The following ATP13A1 variants were observed in gnomAD, a reference collection of about 807,000 sequenced individuals.
The protein encoded by ATP13A1 is ATPase 13A1.
Under a neutral mutation model 134.8 loss-of-function variants are expected in ATP13A1, and 55 were observed. The ratio of observed to expected loss-of-function variants is 0.41; its 90% confidence interval spans 0.33 to 0.51. The LOEUF is 0.51. ATP13A1 is among the 20% of genes least tolerant of loss of function. ATP13A1 has a pLI of 0.29. For synonymous variants in ATP13A1, 775 were observed against 725.1 expected (o/e 1.07, Z -1.10); for missense variants, 1,389 against 1,652.8 (o/e 0.84, Z 2.77).
At chr19:19,659,497 A>G (rs564852454) in intron 3 of ATP13A1, 104 bp downstream of exon 3, 42 of 609,510 alleles carry the variant, frequency 6.9e-5, no homozygotes, top group African/African-American at 5.0e-4. Context: ...TAGTAAATAA[A>G]TAAATAAAAG....
chr19:19,646,576 G>A (rs1302947689), intron 22 of ATP13A1: 1 of 582,230 alleles, frequency 1.7e-6, no homozygotes, highest in East Asian at 2.9e-5. Flanking sequence ...GGCTCCCCAT[G>A]GCAGCCACAG....
Position 19,655,937 on chromosome 19 carries a change from G to A in ATP13A1, c.1214-4C>T, listed in dbSNP as rs1599434392. ...GCCACGCACCCGCTGTCAACCGCTG[G>A]GGAGAGAAGCAGAGTCACCGTCATG... On this transcript the variant is annotated splice_region_variant and splice_polypyrimidine_tract_variant and intron_variant, in intron 8 of 25. Transcript: ENST00000357324. This position sits in a 1 kb window ranked among gnomAD's most constrained non-coding sequence, Gnocchi z 5.7. The A allele has an allele frequency of 7.5e-6, 12 of 1,603,594 alleles. No homozygotes were observed. Among genetic ancestry groups the A allele is most frequent in the Non-Finnish European group, 8.5e-6 (10 of 1,178,372 alleles).
Position 19,645,783 on chromosome 19 carries a change from G to A in ATP13A1, c.3368C>T (p.Pro1123Leu). The change falls in exon 25 of 26, where the codon CCC becomes CTC. Residue 1123 changes from proline (P) to leucine (L), a missense_variant. Physicochemically the swap from Pro to Leu is moderately conservative, Grantham distance 98. Around this residue, in one of 4 missense-constraint regions of ATP13A1, gnomAD observed 228 missense variants for 321.0 expected, o/e 0.71. Transcript: ENST00000357324. This position sits in a 1 kb window ranked among gnomAD's most constrained non-coding sequence, Gnocchi z 4.1. Reference protein sequence around the residue: ...ATFAINYKGPPFMESLPENKP... With the variant: ...ATFAINYKGPLFMESLPENKP... ...GTTCTCGGGCAGGCTCTCCATGAAG[G>A]GCGGGCCCTGTGGGGATGAGGGACA... The A allele has an allele frequency of 6.2e-7, 1 of 1,612,292 alleles. No homozygotes were observed. Among genetic ancestry groups the A allele is most frequent in the East Asian group, 2.2e-5 (1 of 44,832 alleles).
chr19:19,645,521 G>T lies in ATP13A1; in HGVS notation c.3516C>A (p.Val1172=). The change falls in exon 26 of 26, where the codon GTC becomes GTA. Residue 1172 remains valine (V), a synonymous_variant. Coordinates refer to ENST00000357324, the MANE Select transcript of ATP13A1 (RefSeq NM_020410.3). The surrounding 1 kb of genome is among the most constrained non-coding windows in gnomAD (Gnocchi z 4.1). Reference sequence around the variant, plus strand: ...AGTCCAGGAGCAGGACCTGGGCAATGACCAGCTTGAACTGTCGGGGCAGGG... The same window carrying T: ...AGTCCAGGAGCAGGACCTGGGCAATTACCAGCTTGAACTGTCGGGGCAGGG... ...LVDIPVEFKL[V]IAQVLLLDFC... is the part of the protein sequence containing the mutation. 6.2e-7 allele frequency: 1 copy of T among 1,602,084 alleles called. No homozygotes were observed. Among genetic ancestry groups the T allele is most frequent in the South Asian group, 1.1e-5 (1 of 89,044 alleles).
rs71172506 is a variant in ATP13A1, at chr19:19,648,807, C to CAAAAAAA, written c.2632+753_2632+759dup. On this transcript the variant is annotated intron_variant, in intron 19 of 25. Coordinates refer to ENST00000357324, the MANE Select transcript of ATP13A1 (RefSeq NM_020410.3). Reference sequence around the variant, plus strand: ...CTGGGCAACAAGAGAGAAACTGTCTCAAAAAAAAAAAAAAAAAAAAAAGGC... The same window carrying CAAAAAAA: ...CTGGGCAACAAGAGAGAAACTGTCTCAAAAAAAAAAAAAAAAAAAAAAAAAAAAAGGC... Among the ~76,000 whole-genome samples, 3 of 40,298 alleles carry CAAAAAAA rather than the reference C, an allele frequency of 7.4e-5. 1 individual carries two copies. Among genetic ancestry groups the CAAAAAAA allele is most frequent in the East Asian group, 8.2e-4 (1 of 1,220 alleles). The allele number at this position is 40,298 out of a possible 152,430, so 26.4% of individuals were successfully genotyped here. A position where few individuals can be genotyped will look rare whatever the true frequency, so the allele number is the denominator to read the frequency against.
rs1186399747 is a variant in ATP13A1, at chr19:19,655,555, C to T, written c.1369G>A (p.Ala457Thr). ...TCAATCCATACATAGGCAGCTGCAG[C>T]GATGGCAAACACCAGGAGGAAGAGG... ...FILFLLVFAI[A>T]AAAYVWIEGT... Residue 457 changes from alanine to threonine, a missense_variant, in exon 10 of 26, where the codon GCT becomes ACT. By Grantham distance (58) the Ala-to-Thr change is moderately conservative. This residue lies in a region of ATP13A1 where 747 missense variants were observed against 956.1 expected (regional missense o/e 0.78). Transcript: ENST00000357324. The surrounding 1 kb of genome is among the most constrained non-coding windows in gnomAD (Gnocchi z 5.7). The T allele has an allele frequency of 3.1e-6, 5 of 1,613,846 alleles. No homozygotes were observed. Among genetic ancestry groups the T allele is most frequent in the African/African-American group, 1.3e-5 (1 of 74,928 alleles).
At position 19,656,826 on chromosome 19, in the gene ATP13A1, C is replaced by T; in HGVS notation, c.976+21G>A. On this transcript the variant is annotated intron_variant, in intron 6 of 25. Coordinates refer to ENST00000357324, the MANE Select transcript of ATP13A1 (RefSeq NM_020410.3). The surrounding 1 kb of genome is among the most constrained non-coding windows in gnomAD (Gnocchi z 4.6). ...CCTGAGGCTGGGGCTCCCACTGGGACTGAGCGGAACCCGGCCTCACCGATG... is the reference window on the plus strand; with the variant it reads ...CCTGAGGCTGGGGCTCCCACTGGGATTGAGCGGAACCCGGCCTCACCGATG... 6.2e-7 allele frequency: 1 copy of T among 1,612,290 alleles called. No homozygotes were observed. Among genetic ancestry groups the T allele is most frequent in the Non-Finnish European group, 8.5e-7 (1 of 1,179,298 alleles).
At chr19:19,646,605 G>A in intron 22 of ATP13A1, 1 of 549,702 alleles carries the variant, frequency 1.8e-6, no homozygotes. Flanking sequence ...GAATCATGAA[G>A]CAGATCCTGC....
Position 19,655,042 on chromosome 19 carries a change from G to A in ATP13A1, c.1655+77C>T. On this transcript the variant is annotated intron_variant, in intron 12 of 25. Transcript: ENST00000357324. The surrounding 1 kb of genome is among the most constrained non-coding windows in gnomAD (Gnocchi z 5.7). ...CGGGCCCTCACTGCAAGGGCTTGGG[G>A]TGGATGGGCCACCTGTCTCTCGACT... 6.3e-7 allele frequency: 1 copy of A among 1,579,060 alleles called. No homozygotes were observed. The highest frequency in any genetic ancestry group is 1.2e-5 in the South Asian group (1 of 86,784).
chr19:19,647,790 G>T lies in ATP13A1; in HGVS notation c.2633-31C>A. Reference sequence around the variant, plus strand: ...GGGCAGGAGGGTGTCAGACCCGGAGGAGCAGGCTCCACGGAGGGGAAGATT... The same window carrying T: ...GGGCAGGAGGGTGTCAGACCCGGAGTAGCAGGCTCCACGGAGGGGAAGATT... On this transcript the variant is annotated intron_variant, in intron 19 of 25. Coordinates refer to ENST00000357324, the MANE Select transcript of ATP13A1 (RefSeq NM_020410.3). The surrounding 1 kb of genome is among the most constrained non-coding windows in gnomAD (Gnocchi z 4.8). 1 of 1,563,326 alleles carries T rather than the reference G, an allele frequency of 6.4e-7. No individual in the cohort carries two copies. Among genetic ancestry groups the T allele is most frequent in the East Asian group, 2.3e-5 (1 of 43,382 alleles).
rs762368785 is a variant in ATP13A1 at position 19,655,963 on chromosome 19, C to A, written c.1214-30G>T. 4 of 1,606,710 alleles carry A rather than the reference C, an allele frequency of 2.5e-6. No homozygotes were observed. The South Asian group carries it at 3.3e-5, about 13-fold the overall frequency. ...GGAGAGAAGCAGAGTCACCGTCATG[C>A]CTGTCTCCTCGTCCTGACTCCCTCA... On this transcript the variant is annotated intron_variant, in intron 8 of 25. Coordinates refer to ENST00000357324, the MANE Select transcript of ATP13A1 (RefSeq NM_020410.3). The surrounding 1 kb of genome is among the most constrained non-coding windows in gnomAD (Gnocchi z 5.7).
At chr19:19,646,763 T>C (rs888855761) in intron 22 of ATP13A1, 35 of 375,826 alleles carry the variant, frequency 9.3e-5, no homozygotes, top group Non-Finnish European at 1.3e-4. Flanking sequence ...TCTTTACGCC[T>C]TGGCCTGAGT....
chr19:19,647,343 G>A lies in ATP13A1; in HGVS notation c.2909-18C>T, dbSNP rs752474082. On this transcript the variant is annotated intron_variant, in intron 21 of 25. Coordinates refer to ENST00000357324, the MANE Select transcript of ATP13A1 (RefSeq NM_020410.3). The surrounding 1 kb of genome is among the most constrained non-coding windows in gnomAD (Gnocchi z 4.8). ...GTGGCAGACTGCAGGGTGGTGGGGA[G>A]GCAGGTGTGGGTGTGGGTAGGGGTG... 6.8e-6 allele frequency: 11 copies of A among 1,611,008 alleles called. No homozygotes were observed. The South Asian group carries it at 8.8e-5, about 13-fold the overall frequency.
chr19:19,657,352 G>C lies in ATP13A1; in HGVS notation c.734C>G (p.Pro245Arg). The C allele has an allele frequency of 1.3e-6, 2 of 1,572,324 alleles. No individual in the cohort carries two copies. Among genetic ancestry groups the C allele is most frequent in the Non-Finnish European group, 1.7e-6 (2 of 1,158,338 alleles). Residue 245 changes from proline to arginine, a missense_variant, in exon 4 of 26, where the codon CCC (proline) becomes CGC (arginine). Coordinates refer to ENST00000357324, the MANE Select transcript of ATP13A1 (RefSeq NM_020410.3). ...CTGCTTTACCTGAAATACAAAGAAG[G>C]GGGCTGTGGCTCTCTCCTTGAAAAG... ...SELFKERATA[P>R]FFVFQVFCVG...
Position 19,659,683 on chromosome 19 carries a change from C to G in ATP13A1, c.595G>C (p.Ala199Pro), listed in dbSNP as rs375942376. 1.9e-6 allele frequency: 3 copies of G among 1,613,780 alleles called. No homozygotes were observed. In the African/African-American group the frequency reaches 4.0e-5, roughly 22 times the overall value. Residue 199 changes from alanine to proline, a missense_variant, in exon 3 of 26, where the codon GCC (alanine) becomes CCC (proline). Coordinates refer to ENST00000357324, the MANE Select transcript of ATP13A1 (RefSeq NM_020410.3). Reference sequence around the variant, plus strand: ...CTGTTGCTCTGATAGTATGAGAAGGCGTTTCCCACAGGAAAGGCCACGGGG... The same window carrying G: ...CTGTTGCTCTGATAGTATGAGAAGGGGTTTCCCACAGGAAAGGCCACGGGG... ...FLPVAFPVGN[A>P]FSYYQSNRGF...
At chr19:19,659,866 C>G (rs766244292) in intron 2 of ATP13A1, 32 bp downstream of exon 2, 1 of 1,590,008 alleles carries the variant, frequency 6.3e-7, no homozygotes, top group Admixed American at 1.8e-5. Context: ...TACTCAAGCC[C>G]CTCCTCCAGG....
At chr19:19,658,264 C>T (rs768005998) in intron 3 of ATP13A1, among the ~76,000 whole-genome samples, 4 of 151,494 alleles carry the variant, frequency 2.6e-5, no homozygotes, top group African/African-American at 9.7e-5. Context: ...GTCATGTCAA[C>T]GAGGGTCATT....
Position 19,645,435 on chromosome 19 carries a change from T to C in ATP13A1, c.3602A>G (p.Lys1201Arg). 6.2e-7 allele frequency: 1 copy of C among 1,601,830 alleles called. No individual in the cohort carries two copies. The highest frequency in any genetic ancestry group is 1.7e-5 in the Admixed American group (1 of 58,070). ...AGCACTGCCATCTCAGGAAGGCACTTTCAGCTTCGGGGTCCCCAGGAAGAA... is the reference window on the plus strand; with the variant it reads ...AGCACTGCCATCTCAGGAAGGCACTCTCAGCTTCGGGGTCCCCAGGAAGAA... ...LQFFLGTPKL[K>R]VPS The change falls in exon 26 of 26, where the codon AAA becomes AGA. Residue 1201 changes from lysine (K) to arginine (R), a missense_variant. Physicochemically the swap from Lys to Arg is conservative, Grantham distance 26 (BLOSUM62 2). Coordinates refer to ENST00000357324, the MANE Select transcript of ATP13A1 (RefSeq NM_020410.3). The surrounding 1 kb of genome is among the most constrained non-coding windows in gnomAD (Gnocchi z 4.1).
At chr19:19,648,276 A>G (rs984414872) in intron 19 of ATP13A1, among the ~76,000 whole-genome samples, 8 of 152,106 alleles carry the variant, frequency 5.3e-5, no homozygotes, top group Middle Eastern at 3.4e-3. Context: ...ATGAGATCAC[A>G]CCACCGCACT....
Sources: allele counts gnomAD v4.1 joint callset (sites outside exome capture counted in the v4.1 genomes callset), GRCh38; gene constraint gnomAD v4.1.1; regional missense constraint gnomAD v4.1.1; non-coding constraint Gnocchi (gnomAD v3.1); transcripts MANE v1.5; gene names NCBI Gene and HGNC (gene_info 2026-07-23, HGNC 2026-07-21).